The following PACRG variants were observed in gnomAD, a reference collection of about 807,000 sequenced individuals.
PACRG encodes parkin coregulated, also known as parkin coregulated gene protein.
PACRG carries 29 observed loss-of-function variants against 29.7 expected under a neutral mutation model. That is an observed-to-expected ratio of 0.98 (90% CI 0.73 to 1.33). The LOEUF (loss-of-function observed/expected upper bound fraction) is 1.33, where lower values mean the gene tolerates loss of function less well. Among genes scored for constraint, PACRG ranks in the 40% most tolerant of loss-of-function variants. The pLI is 0.00. For missense variants in PACRG, 279 were observed against 316.2 expected (o/e 0.88, Z 0.89); for synonymous variants, 116 against 118.7 (o/e 0.98, Z 0.15).
chr6:162,789,432 A>G (rs978274405), intron 1 of PACRG, among the ~76,000 whole-genome samples: 1 of 152,190 alleles, frequency 6.6e-6, no homozygotes, highest in Admixed American at 6.5e-5. Context: ...GAACATGCTT[A>G]CTTTTATAGG....
At position 162,798,323 on chromosome 6, in the gene PACRG, C is replaced by T. The variant is rs568492212; in HGVS notation, c.157-15824C>T. Among the ~76,000 whole-genome samples, 13 of 152,254 alleles carry T rather than the reference C, an allele frequency of 8.5e-5. No homozygotes were observed. In the South Asian group the frequency reaches 1.7e-3, roughly 19 times the overall value. ...ACTTTTACTGGGAGCCTTATTTATA[C>T]TCATTTTTGCAAACAAGAAACAAAT... On this transcript the variant is annotated intron_variant, in intron 1 of 4. Coordinates refer to ENST00000366888, the MANE Select transcript of PACRG (RefSeq NM_001080379.2).
At position 162,973,684 on chromosome 6, in the gene PACRG, G is replaced by T. The variant is rs147572794; in HGVS notation, c.292-88466G>T. Among the ~76,000 whole-genome samples the T allele has an allele frequency of 1.5e-3, 223 of 152,154 alleles. 1 individual carries two copies. Among genetic ancestry groups the T allele is most frequent in the African/African-American group, 5.3e-3 (219 of 41,516 alleles). On this transcript the variant is annotated intron_variant, in intron 2 of 4. Transcript: ENST00000366888. Reference sequence around the variant, plus strand: ...CATATTTATGTTGTACTAAGTCATTGTTTCAATAAAGAAGAACTAAAAAAG... The same window carrying T: ...CATATTTATGTTGTACTAAGTCATTTTTTCAATAAAGAAGAACTAAAAAAG...
chr6:163,123,019 G>A (rs574460950), intron 4 of PACRG, among the ~76,000 whole-genome samples: 77 of 152,264 alleles, frequency 5.1e-4, no homozygotes, highest in African/African-American at 1.6e-3. Flanking sequence ...TTTAAGGAGC[G>A]GAGAGTTTAA....
At chr6:162,842,442 T>G (rs1281507994) in intron 2 of PACRG, among the ~76,000 whole-genome samples, 1 of 151,982 alleles carries the variant, frequency 6.6e-6, no homozygotes, top group Non-Finnish European at 1.5e-5. Context: ...TGTTTTCCAT[T>G]TGCTTGGTAG....
intron 4 of PACRG, among the ~76,000 whole-genome samples, chr6:163,261,884 C>T (rs187716019): frequency 1.4e-3 from 214 of 152,264 alleles, no homozygotes; most frequent in African/African-American, 4.8e-3. Flanking sequence ...GTATCAGGGA[C>T]TTGAGCATCT....
At chr6:162,799,654 A>T (rs1390707768) in intron 1 of PACRG, among the ~76,000 whole-genome samples, 1 of 151,878 alleles carries the variant, frequency 6.6e-6, no homozygotes, top group African/African-American at 2.4e-5. Context: ...ACTACTATAA[A>T]TATCTTTTAT....
At chr6:163,015,691 G>T (rs1236623155) in intron 2 of PACRG, among the ~76,000 whole-genome samples, 5 of 152,106 alleles carry the variant, frequency 3.3e-5, no homozygotes, top group Non-Finnish European at 7.4e-5. Flanking sequence ...TTTATACATT[G>T]ATTTTGTATC....
At chr6:163,158,529 G>T (rs958743839) in intron 4 of PACRG, among the ~76,000 whole-genome samples, 8 of 152,190 alleles carry the variant, frequency 5.3e-5, no homozygotes, top group African/African-American at 1.9e-4. Flanking sequence ...AGTAGGATGT[G>T]TGTCATTAAA....
At chr6:162,919,347 G>A (rs558801849) in intron 2 of PACRG, among the ~76,000 whole-genome samples, 4 of 152,286 alleles carry the variant, frequency 2.6e-5, no homozygotes. Flanking sequence ...GTCCAGATAC[G>A]AAGTTGGGTG....
intron 4 of PACRG, among the ~76,000 whole-genome samples, chr6:163,302,853 T>C (rs2128190495): frequency 6.6e-6 from 1 of 152,326 alleles, no homozygotes; most frequent in Admixed American, 6.5e-5. Flanking sequence ...ATCAAGGCCA[T>C]GAGAATCTTT....
intron 1 of PACRG, among the ~76,000 whole-genome samples, chr6:162,785,203 G>GA (rs1784375481): frequency 3.9e-5 from 5 of 127,108 alleles, no homozygotes; most frequent in African/African-American, 9.5e-5. Flanking sequence ...AGAGAGAGAG[G>GA]GAGAGAAAGG....
intron 2 of PACRG, among the ~76,000 whole-genome samples, chr6:162,911,163 C>T (rs1796273023): frequency 6.6e-6 from 1 of 152,316 alleles, no homozygotes. Flanking sequence ...TTATTTTAAG[C>T]AAACAGCTTC....
intron 4 of PACRG, among the ~76,000 whole-genome samples, chr6:163,277,657 G>T (rs1264325843): frequency 6.8e-6 from 1 of 146,884 alleles, no homozygotes; most frequent in Non-Finnish European, 1.5e-5. Flanking sequence ...GTATATGTGT[G>T]TGTGTGTATA....
At chr6:162,920,212 A>G (rs1240771101) in intron 2 of PACRG, among the ~76,000 whole-genome samples, 3 of 152,320 alleles carry the variant, frequency 2.0e-5, no homozygotes, top group African/African-American at 7.2e-5. Flanking sequence ...GGAGGAAGGG[A>G]ATGAGAGAGG....
At chr6:162,823,757 C>G (rs1269227570) in intron 2 of PACRG, among the ~76,000 whole-genome samples, 1 of 152,158 alleles carries the variant, frequency 6.6e-6, no homozygotes, top group African/African-American at 2.4e-5. Flanking sequence ...TCGTGATCCG[C>G]CTGCCTAGGC....
chr6:163,110,251 G>T (rs1001802982), intron 4 of PACRG, among the ~76,000 whole-genome samples: 4 of 152,082 alleles, frequency 2.6e-5, no homozygotes, highest in African/African-American at 9.7e-5. Context: ...GTACAGATGG[G>T]GTTATCCCAC....
intron 2 of PACRG, among the ~76,000 whole-genome samples, chr6:162,947,603 T>TC (rs1799266787): frequency 1.6e-5 from 1 of 62,150 alleles, no homozygotes; most frequent in African/African-American, 5.5e-5. Context: ...ATCATATATA[T>TC]ATATAATCAT....
intron 2 of PACRG, among the ~76,000 whole-genome samples, chr6:162,869,620 T>C (rs562921143): frequency 6.6e-6 from 1 of 152,284 alleles, no homozygotes; most frequent in East Asian, 1.9e-4. Context: ...ATTAATACCT[T>C]ACAAGTTTTC....
intron 4 of PACRG, among the ~76,000 whole-genome samples, chr6:163,162,256 C>A (rs1029793559): frequency 1.3e-5 from 2 of 152,202 alleles, no homozygotes; most frequent in Non-Finnish European, 2.9e-5. Flanking sequence ...CAGGGAGAGG[C>A]AGCTGCAGGT....
Sources: allele counts gnomAD v4.1 joint callset (sites outside exome capture counted in the v4.1 genomes callset), GRCh38; gene constraint gnomAD v4.1.1; transcripts MANE v1.5; gene names NCBI Gene and HGNC (gene_info 2026-07-23, HGNC 2026-07-21).